Variants in CA6 observed in about 807,000 individuals in gnomAD.
The protein encoded by CA6 is carbonic anhydrase 6.
In CA6, 28 loss-of-function variants were observed where a neutral mutation model predicts 35.9. The ratio of observed to expected loss-of-function variants is 0.78; its 90% CI spans 0.58 to 1.07. The LOEUF (loss-of-function observed/expected upper bound fraction) is 1.07, where lower values mean the gene tolerates loss of function less well. Among genes scored for constraint, CA6 ranks in the 50% least tolerant of loss-of-function variants. The pLI is 0.00. For missense variants in CA6, 377 were observed against 382.0 expected (o/e 0.99, Z 0.11); for synonymous variants, 148 against 152.6 (o/e 0.97, Z 0.22).
intron 2 of CA6, among the ~76,000 whole-genome samples, chr1:8,949,963 C>T (rs112996884): frequency 0.04 from 6,055 of 152,028 alleles, 359 homozygotes; most frequent in African/African-American, 0.13. Context: ...TTCAGGAATC[C>T]GATATGAGAA....
chr1:8,949,699 T>G (rs1204788433), intron 2 of CA6, among the ~76,000 whole-genome samples: 1 of 152,022 alleles, frequency 6.6e-6, no homozygotes, highest in African/African-American at 2.4e-5. Flanking sequence ...TTACCCGAGC[T>G]CACCCAACCC....
chr1:8,947,169 G>A (rs1639388166), intron 1 of CA6, among the ~76,000 whole-genome samples: 1 of 152,086 alleles, frequency 6.6e-6, no homozygotes, highest in Non-Finnish European at 1.5e-5. Flanking sequence ...TGGTCCACAT[G>A]TGAGCCAAAG....
Position 8,970,973 on chromosome 1 carries a change from C to G in CA6, c.836C>G (p.Pro279Arg), listed in dbSNP as rs140431319. 2.9e-5 allele frequency: 46 copies of G among 1,608,076 alleles called. No individual in the cohort carries two copies. Among genetic ancestry groups the G allele is most frequent in the Non-Finnish European group, 3.7e-5 (44 of 1,174,686 alleles). ...CACAGAGTGGTGGAATCCAACTTCCCGAATCAGGGTGAGTGAGACCGACTC... is the reference window on the plus strand; with the variant it reads ...CACAGAGTGGTGGAATCCAACTTCCGGAATCAGGGTGAGTGAGACCGACTC... ...LNHRVVESNF[P>R]NQEYTLGSEF... The change falls in exon 7 of 8, where the codon CCG (proline) becomes CGG (arginine). Residue 279 changes from proline to arginine, a missense_variant. Coordinates refer to ENST00000377443, the MANE Select transcript of CA6 (RefSeq NM_001215.4).
intron 2 of CA6, chr1:8,951,384 C>T (rs770501911): frequency 1.9e-5 from 14 of 740,734 alleles, no homozygotes; most frequent in Middle Eastern, 4.6e-4. Context: ...ATCATAATGT[C>T]GAGCTCTTGT....
chr1:8,948,576 G>C (rs1325197600), intron 1 of CA6, among the ~76,000 whole-genome samples: 2 of 152,000 alleles, frequency 1.3e-5, no homozygotes, highest in Non-Finnish European at 2.9e-5. Context: ...GAGGAAATGA[G>C]GAAGAGGCCC....
chr1:8,971,469 G>A (rs989801960), intron 7 of CA6, among the ~76,000 whole-genome samples: 2 of 151,394 alleles, frequency 1.3e-5, no homozygotes, highest in African/African-American at 4.9e-5. Context: ...CTACCACCAC[G>A]CCCGGCTAAT....
Position 8,974,739 on chromosome 1 carries a change from T to A in CA6, c.*35T>A. On this transcript the variant is annotated 3_prime_UTR_variant, in exon 8 of 8. Coordinates refer to ENST00000377443, the MANE Select transcript of CA6 (RefSeq NM_001215.4). The stretch of plus-strand genomic sequence containing the variant: ...AGAGGAAGATTCAATATTAACTAGC[T>A]TGAAGCCTGACCTAGCCAGAAGTGC... 1 of 1,393,428 alleles carries A rather than the reference T, an allele frequency of 7.2e-7. No homozygotes were observed. The highest frequency in any genetic ancestry group is 1.6e-5 in the African/African-American group (1 of 60,636). The allele number at this position is 1,393,428 out of a possible 1,614,324, so 86.3% of individuals were successfully genotyped here.
intron 4 of CA6, 96 bp from the exon 5 acceptor site, chr1:8,962,491 C>T (rs758568763): frequency 3.7e-5 from 38 of 1,016,140 alleles, no homozygotes; most frequent in Non-Finnish European, 5.0e-5. Flanking sequence ...TCTCTAGGCT[C>T]GGCCCAATCC....
Position 8,957,276 on chromosome 1 carries a change from T to C in CA6, c.399T>C (p.His133=). The C allele has an allele frequency of 6.2e-7, 1 of 1,611,968 alleles. No homozygotes were observed. ...GSEHTVDGIR[H]VIEIHIVHYN... Reference sequence around the variant, plus strand: ...AGCACACCGTGGACGGGATCAGACATGTGATCGAGGTACCTGAGGACCCCC... The same window carrying C: ...AGCACACCGTGGACGGGATCAGACACGTGATCGAGGTACCTGAGGACCCCC... Residue 133 remains histidine, a synonymous_variant, in exon 3 of 8, where the codon CAT becomes CAC. Transcript: ENST00000377443.
At chr1:8,949,487 G>GCA (rs1557619555) in intron 2 of CA6, 45 bp downstream of exon 2, 1 of 1,503,060 alleles carries the variant, frequency 6.7e-7, no homozygotes, top group African/African-American at 1.4e-5. Flanking sequence ...TGGGCAGCCT[G>GCA]CAGGGGAAGG....
intron 2 of CA6, among the ~76,000 whole-genome samples, chr1:8,951,152 G>C (rs1258113460): frequency 7.4e-6 from 1 of 135,168 alleles, no homozygotes; most frequent in Non-Finnish European, 1.7e-5. Context: ...GGAGGCAGAG[G>C]TTGCAGTGAG....
chr1:8,964,394 C>T (rs911842255), intron 5 of CA6, among the ~76,000 whole-genome samples: 11 of 152,124 alleles, frequency 7.2e-5, no homozygotes, highest in Admixed American at 1.3e-4. Context: ...ATTACAGGCA[C>T]ACACCACCAT....
At chr1:8,969,625 GTC>G (rs138372720) in intron 6 of CA6, among the ~76,000 whole-genome samples, 7 of 150,724 alleles carry the variant, frequency 4.6e-5, no homozygotes, top group Non-Finnish European at 4.4e-5. Context: ...TTCTCTCTCT[GTC>G]TCTCTCTCTC....
intron 1 of CA6, among the ~76,000 whole-genome samples, chr1:8,948,842 T>C (rs1427150214): frequency 1.3e-5 from 2 of 151,874 alleles, no homozygotes; most frequent in Non-Finnish European, 2.9e-5. Flanking sequence ...TGGTGGTGCA[T>C]GCCTGTAATC....
chr1:8,973,629 G>T (rs1265118814), intron 7 of CA6, among the ~76,000 whole-genome samples: 1 of 152,052 alleles, frequency 6.6e-6, no homozygotes, highest in Non-Finnish European at 1.5e-5. Flanking sequence ...CCGAATTGTG[G>T]CCTCCCTTTG....
chr1:8,958,895 A>T lies in CA6; in HGVS notation c.409-15A>T, dbSNP rs1353379257. ...CTATGAACTGCCCTTGACCCACTCT[A>T]CCTTGCTCTTACAGATTCACATTGT... On this transcript the variant is annotated splice_polypyrimidine_tract_variant and intron_variant, in intron 3 of 7. Coordinates refer to ENST00000377443, the MANE Select transcript of CA6 (RefSeq NM_001215.4). 7 of 1,459,594 alleles carry T rather than the reference A, an allele frequency of 4.8e-6. No individual in the cohort carries two copies. The East Asian group carries it at 1.4e-4, about 28-fold the overall frequency. 90.4% of individuals were successfully genotyped at this position (1,459,594 alleles called of 1,614,324 possible).
Position 8,974,951 on chromosome 1 carries a change from G to C in CA6, c.*247G>C, listed in dbSNP as rs1640229983. ...AGACATCACCAGTGGAAATTGATTG[G>C]AATAGAAACTTAAAGGAAATGGAAC... On this transcript the variant is annotated 3_prime_UTR_variant, in exon 8 of 8. Transcript: ENST00000377443. 1 of 352,456 alleles carries C rather than the reference G, an allele frequency of 2.8e-6. No homozygotes were observed. The highest frequency in any genetic ancestry group is 5.1e-6 in the Non-Finnish European group (1 of 197,644). The allele number at this position is 352,456 out of a possible 1,614,324, so 21.8% of individuals were successfully genotyped here. A position where few individuals can be genotyped will look rare whatever the true frequency, so the allele number is the denominator to read the frequency against.
At position 8,957,164 on chromosome 1, in the gene CA6, G is replaced by A. The variant is rs533616544; in HGVS notation, c.287G>A (p.Arg96His). Reference protein sequence around the residue: ...TVQISLPSTMRMTVADGTVYI... With the variant: ...TVQISLPSTMHMTVADGTVYI... Reference sequence around the variant, plus strand: ...CAGATCAGCCTGCCCTCCACCATGCGCATGACAGTGGCTGACGGCACTGTA... The same window carrying A: ...CAGATCAGCCTGCCCTCCACCATGCACATGACAGTGGCTGACGGCACTGTA... The change falls in exon 3 of 8, where the codon CGC becomes CAC. Residue 96 changes from arginine to histidine, a missense_variant. Arg to His is a conservative substitution (Grantham distance 29). Coordinates refer to ENST00000377443, the MANE Select transcript of CA6 (RefSeq NM_001215.4). 5 of 1,612,830 alleles carry A rather than the reference G, an allele frequency of 3.1e-6. No homozygotes were observed. The highest frequency in any genetic ancestry group is 4.5e-5 in the East Asian group (2 of 44,860).
intron 5 of CA6, among the ~76,000 whole-genome samples, chr1:8,965,940 G>C (rs1200228288): frequency 6.6e-6 from 1 of 150,912 alleles, no homozygotes; most frequent in Non-Finnish European, 1.5e-5. Flanking sequence ...ATGATATTTT[G>C]TGTATCCATT....
Sources: gnomAD v4.1 joint callset for allele counts (sites outside exome capture counted in the v4.1 genomes callset) on GRCh38, gnomAD v4.1.1 for gene constraint, MANE v1.5 for transcripts, NCBI Gene and HGNC (gene_info 2026-07-23, HGNC 2026-07-21) for gene names.